PCDH15: variants seen among roughly 807,000 people sequenced by gnomAD.
PCDH15 encodes protocadherin related 15.
PCDH15 carries 129 observed loss-of-function variants against 178.5 expected under a neutral mutation model. The observed-to-expected ratio is 0.72, with a 90% CI of 0.63 to 0.84. The LOEUF (loss-of-function observed/expected upper bound fraction) is 0.84, where lower values mean the gene tolerates loss of function less well. Ranked by LOEUF, PCDH15 falls within the 40% of genes least tolerant of loss-of-function variation. The pLI is 0.00. For synonymous variants in PCDH15, 800 were observed against 732.0 expected (o/e 1.09, Z -1.50); for missense variants, 2,230 against 2,099.9 (o/e 1.06, Z -1.21).
chr10:55,560,196 T>C (rs541585445), intron 2 of PCDH15, among the ~76,000 whole-genome samples: 11 of 152,032 alleles, frequency 7.2e-5, no homozygotes, highest in African/African-American at 2.6e-4. Context: ...TATAGTGATT[T>C]TCCCCTCAGC....
chr10:53,909,553 T>C (rs761480216), intron 25 of PCDH15, among the ~76,000 whole-genome samples: 1 of 152,144 alleles, frequency 6.6e-6, no homozygotes, highest in Non-Finnish European at 1.5e-5. Flanking sequence ...GACAGCTGAA[T>C]AGGAACAGCT....
intron 2 of PCDH15, among the ~76,000 whole-genome samples, chr10:55,377,908 C>T (rs893393671): frequency 1.2e-4 from 18 of 152,092 alleles, no homozygotes; most frequent in East Asian, 3.9e-4. Context: ...TCCTTCGTGG[C>T]GACATAGATG....
rs146305830 is a variant in PCDH15, at chr10:55,398,455, G to T, written c.-156+229170C>A. Among the ~76,000 whole-genome samples, 569 of 152,182 alleles carry T rather than the reference G, an allele frequency of 3.7e-3. 4 individuals are homozygous for T. The highest frequency in any genetic ancestry group is 0.011 in the African/African-American group (473 of 41,518). On this transcript the variant is annotated intron_variant, in intron 2 of 5. Transcript: ENST00000613346. Reference sequence around the variant, plus strand: ...AAGTATTAAGTTCTATGAGGATGAGGCATTTTCATATCCTGTTGCTAGTTG... The same window carrying T: ...AAGTATTAAGTTCTATGAGGATGAGTCATTTTCATATCCTGTTGCTAGTTG...
chr10:53,820,928 T>C (rs1029711663), intron 32 of PCDH15, among the ~76,000 whole-genome samples: 10 of 152,034 alleles, frequency 6.6e-5, no homozygotes, highest in Non-Finnish European at 1.3e-4. Context: ...CTTCTCTTGG[T>C]TTTTCTATTT....
At chr10:55,113,744 G>A (rs1220698056) in intron 2 of PCDH15, among the ~76,000 whole-genome samples, 1 of 151,964 alleles carries the variant, frequency 6.6e-6, no homozygotes, top group Non-Finnish European at 1.5e-5. Flanking sequence ...ATTACCACAA[G>A]GCAGTTAATC....
At chr10:54,185,024 C>T in intron 12 of PCDH15, 110 bp downstream of exon 12, 1 of 1,301,430 alleles carries the variant, frequency 7.7e-7, no homozygotes, top group Non-Finnish European at 1.1e-6. Context: ...GTATTTTTCC[C>T]CCAAGTCATT....
Position 53,806,911 on chromosome 10 carries a change from G to A in PCDH15, c.4891C>T (p.Leu1631=), listed in dbSNP as rs200155519. The A allele has an allele frequency of 5.8e-4, 942 of 1,613,888 alleles. 1 individual carries two copies. The highest frequency in any genetic ancestry group is 3.0e-3 in the Middle Eastern group (18 of 6,062). ...TCTAGTTTCTTAAAGGGCCCTCCCAGTCGAACAGGGGAAGCAACTTTTAAG... is the reference window on the plus strand; with the variant it reads ...TCTAGTTTCTTAAAGGGCCCTCCCAATCGAACAGGGGAAGCAACTTTTAAG... ...DNLKVASPVR[L]GGPFKKLDKL... Residue 1631 remains leucine, a synonymous_variant, in exon 38 of 38, where the codon CTG becomes TTG. Transcript: ENST00000644397.
At chr10:54,518,845 T>A (rs904000780) in intron 3 of PCDH15, among the ~76,000 whole-genome samples, 12 of 152,086 alleles carry the variant, frequency 7.9e-5, no homozygotes, top group African/African-American at 2.4e-5. Flanking sequence ...CAGCAGCACA[T>A]CAAAAAGCTT....
intron 8 of PCDH15, among the ~76,000 whole-genome samples, chr10:54,308,135 A>G (rs569965874): frequency 6.6e-6 from 1 of 152,206 alleles, no homozygotes; most frequent in African/African-American, 2.4e-5. Flanking sequence ...CTTACAAACT[A>G]TCTTACGCTG....
At chr10:54,590,412 A>G (rs2091803970) in intron 2 of PCDH15, among the ~76,000 whole-genome samples, 1 of 152,182 alleles carries the variant, frequency 6.6e-6, no homozygotes, top group South Asian at 2.1e-4. Context: ...GTTTTGGATG[A>G]CTTTTGTAAT....
chr10:55,136,343 T>C (rs1187722572), intron 2 of PCDH15, among the ~76,000 whole-genome samples: 1 of 152,044 alleles, frequency 6.6e-6, no homozygotes, highest in Non-Finnish European at 1.5e-5. Flanking sequence ...TGTGAGTAAA[T>C]ATATATTTTT....
intron 2 of PCDH15, among the ~76,000 whole-genome samples, chr10:54,528,563 A>T (rs963271270): frequency 2.0e-5 from 3 of 152,026 alleles, no homozygotes; most frequent in African/African-American, 7.2e-5. Flanking sequence ...AATATATAAA[A>T]TCCCTATCAG....
chr10:53,980,949 T>TA (rs1188106292), intron 21 of PCDH15, among the ~76,000 whole-genome samples: 2 of 152,164 alleles, frequency 1.3e-5, no homozygotes, highest in African/African-American at 4.8e-5. Flanking sequence ...GTTTCCAAAA[T>TA]ATGTAACAAA....
At position 54,313,447 on chromosome 10, in the gene PCDH15, TG is replaced by T. The variant is rs545182877; in HGVS notation, c.876+3823del. Among the ~76,000 whole-genome samples, 255 of 152,206 alleles carry T rather than the reference TG, an allele frequency of 1.7e-3. 1 individual carries two copies. Among genetic ancestry groups the T allele is most frequent in the African/African-American group, 6.0e-3 (248 of 41,560 alleles). ...TAGTGAGGCATTCTGACCAAAAATT[TG>T]CCCATACTCTCTGAAAATACTTTTG... On this transcript the variant is annotated intron_variant, in intron 8 of 37. Transcript: ENST00000644397.
At chr10:53,955,516 A>C (rs2087528220) in intron 23 of PCDH15, among the ~76,000 whole-genome samples, 1 of 152,206 alleles carries the variant, frequency 6.6e-6, no homozygotes, top group Non-Finnish European at 1.5e-5. Flanking sequence ...ATCATTTGTT[A>C]AATGCTAATT....
exon 3 of PCDH15, chr10:54,897,489 C>A (rs1954565173): frequency 6.6e-6 from 1 of 152,110 alleles, no homozygotes; most frequent in African/African-American, 2.4e-5. Flanking sequence ...CGAAACATGA[C>A]AATGCAAATT....
chr10:54,099,572 T>A lies in PCDH15; in HGVS notation c.1918-9509A>T, dbSNP rs1364181049. On this transcript the variant is annotated intron_variant, in intron 15 of 37. Transcript: ENST00000644397. ...AAAACAGATAAAACAAGCATAGTTA[T>A]CAAAGATCAATTGTCCATTAAGCCC... Among the ~76,000 whole-genome samples, 3 of 148,212 alleles carry A rather than the reference T, an allele frequency of 2.0e-5. No individual in the cohort carries two copies. In the Admixed American group the frequency reaches 2.0e-4, roughly 10 times the overall value.
At chr10:55,059,657 C>T (rs1228284260) in intron 2 of PCDH15, among the ~76,000 whole-genome samples, 1 of 152,088 alleles carries the variant, frequency 6.6e-6, no homozygotes, top group Non-Finnish European at 1.5e-5. Context: ...TTTAGAGTTA[C>T]AAATTTTCTT....
chr10:54,183,205 A>G lies in PCDH15; in HGVS notation c.1590+239T>C, dbSNP rs10082374. ...AGGCTGGTCTCGAACTCCCGACCTC[A>G]GGTGATCCACTTGCCTTGGCTTCCC... On this transcript the variant is annotated intron_variant, in intron 13 of 37. Transcript: ENST00000644397. Among the ~76,000 whole-genome samples the G allele has an allele frequency of 0.44, 66,241 of 152,092 alleles. 16,091 individuals carry two copies. The highest frequency in any genetic ancestry group is 0.63 in the African/African-American group (26,071 of 41,490).
Sources: gnomAD v4.1 joint callset for allele counts (sites outside exome capture counted in the v4.1 genomes callset) on GRCh38, gnomAD v4.1.1 for gene constraint, MANE v1.5 for transcripts, NCBI Gene and HGNC (gene_info 2026-07-23, HGNC 2026-07-21) for gene names.